Variants in LIN54 observed in about 807,000 individuals in gnomAD.
The protein encoded by LIN54 is protein lin-54 homolog.
LIN54 carries 9 observed loss-of-function variants against 78.7 expected under a neutral mutation model. The ratio of observed to expected loss-of-function variants is 0.11; its 90% CI spans 0.07 to 0.20. LIN54 has a LOEUF of 0.20. Among genes scored for constraint, LIN54 ranks in the 10% least tolerant of loss-of-function variants. The pLI is 1.00. For missense variants in LIN54, 573 were observed against 889.9 expected (o/e 0.64, Z 4.53); for synonymous variants, 269 against 318.4 (o/e 0.84, Z 1.65).
intron 3 of LIN54, among the ~76,000 whole-genome samples, chr4:82,976,459 C>T (rs913309244): frequency 6.6e-6 from 1 of 152,012 alleles, no homozygotes; most frequent in Non-Finnish European, 1.5e-5. Flanking sequence ...CCTGTAGTCC[C>T]AGCACTTTGG....
chr4:82,969,967 T>G, intron 4 of LIN54, among the ~76,000 whole-genome samples: 1 of 152,206 alleles, frequency 6.6e-6, no homozygotes, highest in Non-Finnish European at 1.5e-5. Flanking sequence ...AAAGTTACAT[T>G]TAATATTTTA....
At chr4:83,007,499 G>C (rs563857923) in intron 1 of LIN54, among the ~76,000 whole-genome samples, 48 of 152,204 alleles carry the variant, frequency 3.2e-4, no homozygotes, top group African/African-American at 1.0e-3. Flanking sequence ...TTACTGTGAA[G>C]ATAGTTATGA....
chr4:82,931,027 T>G lies in LIN54; in HGVS notation c.1964A>C (p.Gln655Pro). 6.2e-7 allele frequency: 1 copy of G among 1,614,240 alleles called. No individual in the cohort carries two copies. Among genetic ancestry groups the G allele is most frequent in the Non-Finnish European group, 8.5e-7 (1 of 1,180,038 alleles). ...ADAAEVRVQQ[Q>P]TAAKTKLSSQ... Reference sequence around the variant, plus strand: ...GGATAACTTCGTCTTGGCTGCTGTTTGTTGCTGTACCCTTACTTCAGCTGC... The same window carrying G: ...GGATAACTTCGTCTTGGCTGCTGTTGGTTGCTGTACCCTTACTTCAGCTGC... The change falls in exon 12 of 13, where the codon CAA becomes CCA. Residue 655 changes from glutamine to proline, a missense_variant. By Grantham distance (76) the Gln-to-Pro change is moderately conservative. Around this residue, in one of 6 missense-constraint regions of LIN54, gnomAD observed 82 missense variants for 140.8 expected, o/e 0.58. Transcript: ENST00000340417.
intron 2 of LIN54, among the ~76,000 whole-genome samples, chr4:82,979,270 G>A (rs1270839306): frequency 6.6e-6 from 1 of 151,890 alleles, no homozygotes; most frequent in African/African-American, 2.4e-5. Flanking sequence ...TGCATATGAT[G>A]AAAACAAAAT....
At chr4:82,938,298 G>T in intron 8 of LIN54, 115 bp downstream of exon 8, 1 of 627,944 alleles carries the variant, frequency 1.6e-6, no homozygotes, top group Non-Finnish European at 2.8e-6. Flanking sequence ...TTAGAGGCAT[G>T]CTCACATGGC....
chr4:82,946,109 A>G, intron 5 of LIN54, 149 bp downstream of exon 5: 2 of 670,712 alleles, frequency 3.0e-6, no homozygotes, highest in South Asian at 1.8e-5. Context: ...ATGCGCAACT[A>G]TCATTCTATT....
chr4:82,973,887 C>A (rs1264247354), intron 3 of LIN54, among the ~76,000 whole-genome samples: 1 of 152,160 alleles, frequency 6.6e-6, no homozygotes, highest in Non-Finnish European at 1.5e-5. Context: ...ATTCATGCAA[C>A]AATATGCATT....
chr4:82,972,422 A>G (rs935217623), intron 3 of LIN54, among the ~76,000 whole-genome samples: 7 of 152,188 alleles, frequency 4.6e-5, no homozygotes, highest in African/African-American at 1.7e-4. Context: ...TGAATACATC[A>G]TAATTACATA....
At chr4:82,965,793 TGA>T (rs1725151469) in intron 4 of LIN54, among the ~76,000 whole-genome samples, 1 of 152,056 alleles carries the variant, frequency 6.6e-6, no homozygotes, top group African/African-American at 2.4e-5. Flanking sequence ...AGATAAATAA[TGA>T]GAGGAGTCTC....
At chr4:82,942,668 A>G in intron 5 of LIN54, among the ~76,000 whole-genome samples, 1 of 152,090 alleles carries the variant, frequency 6.6e-6, no homozygotes, top group East Asian at 1.9e-4. Flanking sequence ...CTCCTGGGAG[A>G]GATGACAGTC....
At chr4:82,952,997 C>T (rs749094764) in intron 4 of LIN54, among the ~76,000 whole-genome samples, 19 of 152,152 alleles carry the variant, frequency 1.2e-4, no homozygotes, top group Non-Finnish European at 2.2e-4. Context: ...TCTTTAGAGA[C>T]AAGATGTCGC....
chr4:82,979,873 T>G (rs1578597719), intron 2 of LIN54, among the ~76,000 whole-genome samples: 1 of 143,764 alleles, frequency 7.0e-6, no homozygotes, highest in Non-Finnish European at 1.5e-5. Flanking sequence ...GGAGCAGAGG[T>G]TGCAGGGAGT....
intron 4 of LIN54, among the ~76,000 whole-genome samples, chr4:82,962,703 C>A (rs866225041): frequency 2.0e-4 from 30 of 151,074 alleles, no homozygotes; most frequent in African/African-American, 7.3e-4. Context: ...ATGAAGAAGT[C>A]TTTAATAAGC....
intron 4 of LIN54, among the ~76,000 whole-genome samples, chr4:82,949,970 C>T (rs1185204667): frequency 6.6e-6 from 1 of 151,684 alleles, no homozygotes; most frequent in African/African-American, 2.4e-5. Flanking sequence ...CTCAGCCTCC[C>T]AAGTAGCTGG....
Position 82,990,460 on chromosome 4 carries a change from G to A in LIN54, c.-32-5584C>T, listed in dbSNP as rs555177144. On this transcript the variant is annotated intron_variant, in intron 1 of 12. Transcript: ENST00000340417. The stretch of plus-strand genomic sequence containing the variant: ...GCAGTAGGTTTGTATCATAACTTAG[G>A]AACCCTGAGCTTAGGTAACACAAAT... Among the ~76,000 whole-genome samples the A allele has an allele frequency of 3.3e-5, 5 of 152,088 alleles. No individual in the cohort carries two copies. In the East Asian group the frequency reaches 9.7e-4, roughly 29 times the overall value.
At chr4:82,952,663 C>T (rs1261198151) in intron 4 of LIN54, among the ~76,000 whole-genome samples, 4 of 152,096 alleles carry the variant, frequency 2.6e-5, no homozygotes, top group Admixed American at 6.5e-5. Context: ...TGTAAACTCA[C>T]GTTCATAGCA....
At chr4:82,998,197 T>G (rs1250456061) in intron 1 of LIN54, among the ~76,000 whole-genome samples, 1 of 151,730 alleles carries the variant, frequency 6.6e-6, no homozygotes, top group Non-Finnish European at 1.5e-5. Flanking sequence ...GTACATAAAG[T>G]ACTGACATAC....
chr4:82,987,726 C>T (rs1727296191), intron 1 of LIN54, among the ~76,000 whole-genome samples: 1 of 152,208 alleles, frequency 6.6e-6, no homozygotes, highest in Non-Finnish European at 1.5e-5. Flanking sequence ...CTTTTTATGG[C>T]TGCATAGTAT....
At chr4:82,973,098 T>C (rs748909367) in intron 3 of LIN54, among the ~76,000 whole-genome samples, 5 of 152,170 alleles carry the variant, frequency 3.3e-5, no homozygotes, top group Non-Finnish European at 5.9e-5. Context: ...ATAAAACTTT[T>C]ACTATCTTTC....
Sources: gnomAD v4.1 joint callset for allele counts (sites outside exome capture counted in the v4.1 genomes callset) on GRCh38, gnomAD v4.1.1 for gene constraint, gnomAD v4.1.1 regional missense constraint, MANE v1.5 for transcripts, NCBI Gene and HGNC (gene_info 2026-07-23, HGNC 2026-07-21) for gene names.